The following DLGAP2 variants were observed in gnomAD, a reference collection of about 807,000 sequenced individuals.
DLGAP2 encodes the protein DLG associated protein 2.
A neutral mutation model predicts 100.3 loss-of-function variants in DLGAP2; 26 were observed. The observed-to-expected ratio is 0.26, with a 90% CI of 0.19 to 0.36. The LOEUF is 0.36. DLGAP2 is among the 10% of genes least tolerant of loss of function. DLGAP2 has a pLI of 1.00. For missense variants in DLGAP2, 1,858 were observed against 1,453.2 expected (o/e 1.28, Z -4.53); for synonymous variants, 886 against 630.1 (o/e 1.41, Z -6.08).
chr8:1,257,970 T>C (rs1168983539), intron 2 of DLGAP2, among the ~76,000 whole-genome samples: 3 of 152,236 alleles, frequency 2.0e-5, no homozygotes, highest in African/African-American at 7.2e-5. Flanking sequence ...TCTGAATTCT[T>C]TCCCATGAAG....
At chr8:952,545 G>A (rs534632481) in intron 2 of DLGAP2, among the ~76,000 whole-genome samples, 1 of 152,226 alleles carries the variant, frequency 6.6e-6, no homozygotes, top group African/African-American at 2.4e-5. Context: ...GCTGAGGTGG[G>A]AGAATCATTT....
At chr8:1,290,920 T>C (rs1800043001) in intron 3 of DLGAP2, among the ~76,000 whole-genome samples, 1 of 152,200 alleles carries the variant, frequency 6.6e-6, no homozygotes, top group African/African-American at 2.4e-5. Flanking sequence ...TACCGTTCAC[T>C]GGTGTTAAGG....
At chr8:1,265,859 G>A (rs1405048188) in intron 3 of DLGAP2, among the ~76,000 whole-genome samples, 1 of 152,204 alleles carries the variant, frequency 6.6e-6, no homozygotes, top group Non-Finnish European at 1.5e-5. Context: ...TAGACAGGTA[G>A]GGGAGGGGAG....
intron 3 of DLGAP2, chr8:1,369,836 T>G (rs1802194190): frequency 6.6e-6 from 1 of 152,170 alleles, no homozygotes; most frequent in South Asian, 2.1e-4. Flanking sequence ...GGATCCACAG[T>G]AGAGACTTGG....
At chr8:1,301,120 C>G (rs1232463699) in intron 3 of DLGAP2, 1 of 152,402 alleles carries the variant, frequency 6.6e-6, no homozygotes, top group Non-Finnish European at 1.5e-5. Flanking sequence ...CATGCCATTT[C>G]TCATAGGCAG....
chr8:1,059,888 C>G (rs764623794), intron 2 of DLGAP2, among the ~76,000 whole-genome samples: 42 of 152,258 alleles, frequency 2.8e-4, no homozygotes, highest in Non-Finnish European at 4.9e-4. Context: ...CGATGCAAAT[C>G]GCATTCTGTG....
chr8:1,076,397 A>G (rs556266857), intron 2 of DLGAP2, among the ~76,000 whole-genome samples: 2 of 152,332 alleles, frequency 1.3e-5, no homozygotes, highest in East Asian at 1.9e-4. Context: ...CTCAGTTTCC[A>G]TGCAGGAGAC....
At chr8:938,194 C>T (rs1237448281) in intron 2 of DLGAP2, among the ~76,000 whole-genome samples, 2 of 152,036 alleles carry the variant, frequency 1.3e-5, no homozygotes, top group East Asian at 1.9e-4. Flanking sequence ...CATGTTTTCC[C>T]TTTAAATTGA....
At chr8:1,616,688 G>A (rs970051425) in intron 6 of DLGAP2, among the ~76,000 whole-genome samples, 3 of 152,174 alleles carry the variant, frequency 2.0e-5, no homozygotes, top group Admixed American at 6.5e-5. Flanking sequence ...TCAAACAGAA[G>A]CTAAGGAATC....
intron 3 of DLGAP2, among the ~76,000 whole-genome samples, chr8:1,458,821 G>T (rs142023990): frequency 1.3e-5 from 2 of 152,186 alleles, no homozygotes; most frequent in Admixed American, 6.5e-5. Flanking sequence ...GAAGGCAGCC[G>T]CACAGGGTGT....
chr8:1,630,130 G>C (rs1411941852), intron 7 of DLGAP2, among the ~76,000 whole-genome samples: 2 of 151,906 alleles, frequency 1.3e-5, no homozygotes, highest in African/African-American at 4.8e-5. Context: ...ACTCAGTTTT[G>C]AATTCTCAGG....
At chr8:1,328,420 G>T (rs1801072505) in intron 3 of DLGAP2, among the ~76,000 whole-genome samples, 1 of 152,176 alleles carries the variant, frequency 6.6e-6, no homozygotes, top group South Asian at 2.1e-4. Context: ...CTGGGTTCAG[G>T]CTATTCTCCT....
intron 2 of DLGAP2, chr8:1,104,871 C>G (rs1804705184): frequency 6.6e-6 from 1 of 152,178 alleles, no homozygotes; most frequent in African/African-American, 2.4e-5. Flanking sequence ...AGTGTGCTTC[C>G]TCCATCTGCA....
chr8:1,698,928 G>A lies in DLGAP2; in HGVS notation c.2949+1629G>A, dbSNP rs1170076677. ...CCCAGTAAGCCATGCATGGGACTAG[G>A]CAGGTCTGCATAAGCCATGCATGGG... is the stretch of plus-strand genomic sequence containing the variant. On this transcript the variant is annotated intron_variant, in intron 14 of 14. Coordinates refer to ENST00000637795, the MANE Select transcript of DLGAP2 (RefSeq NM_001346810.2). Among the ~76,000 whole-genome samples the A allele has an allele frequency of 2.7e-5, 4 of 146,632 alleles. No individual in the cohort carries two copies. In the East Asian group the frequency reaches 6.4e-4, roughly 23 times the overall value.
chr8:1,185,795 T>A (rs1797490949), intron 2 of DLGAP2, among the ~76,000 whole-genome samples: 1 of 151,806 alleles, frequency 6.6e-6, no homozygotes, highest in East Asian at 1.9e-4. Flanking sequence ...GAACCAAGGC[T>A]GGTGGAAGAA....
chr8:1,416,976 A>T (rs4297058), intron 3 of DLGAP2, among the ~76,000 whole-genome samples: 127,918 of 151,948 alleles, frequency 0.84, 54,118 homozygotes, highest in East Asian at 1. Flanking sequence ...CGGCTGTGGC[A>T]TTGAGACTCA....
At chr8:1,508,956 G>A (rs1373204347) in intron 4 of DLGAP2, among the ~76,000 whole-genome samples, 1 of 152,102 alleles carries the variant, frequency 6.6e-6, no homozygotes, top group Admixed American at 6.5e-5. Flanking sequence ...TAAACCATGG[G>A]CTGCAACTCA....
intron 2 of DLGAP2, among the ~76,000 whole-genome samples, chr8:1,200,460 T>C (rs1256884063): frequency 6.6e-6 from 1 of 152,206 alleles, no homozygotes; most frequent in East Asian, 1.9e-4. Context: ...CTGCGATGCT[T>C]GTTCCTCATA....
At chr8:1,026,860 C>T (rs1204511844) in intron 2 of DLGAP2, among the ~76,000 whole-genome samples, 2 of 152,186 alleles carry the variant, frequency 1.3e-5, no homozygotes, top group African/African-American at 2.4e-5. Context: ...ACCCCCAACA[C>T]ATTTATTCTA....
Sources: allele counts gnomAD v4.1 joint callset (sites outside exome capture counted in the v4.1 genomes callset), GRCh38; gene constraint gnomAD v4.1.1; transcripts MANE v1.5; gene names NCBI Gene and HGNC (gene_info 2026-07-23, HGNC 2026-07-21).